CDH23: variants seen among roughly 807,000 people sequenced by gnomAD.
The protein encoded by CDH23 is cadherin-23.
In CDH23, 189 loss-of-function variants were observed where a neutral mutation model predicts 317.1. The observed-to-expected ratio is 0.60, with a 90% CI of 0.53 to 0.67. The LOEUF is 0.67. Among genes scored for constraint, CDH23 ranks in the 30% least tolerant of loss-of-function variants. The pLI is 0.00. For synonymous variants in CDH23, 1,839 were observed against 1,876.8 expected (o/e 0.98, Z 0.52); for missense variants, 4,401 against 4,592.4 (o/e 0.96, Z 1.20).
At chr10:71,683,900 G>T (rs7907410) in intron 18 of CDH23, among the ~76,000 whole-genome samples, 49,758 of 151,786 alleles carry the variant, frequency 0.33, 8,417 homozygotes, top group Non-Finnish European at 0.38. Context: ...GACCAACGTG[G>T]TGAAACTCCA....
intron 3 of CDH23, among the ~76,000 whole-genome samples, chr10:71,449,693 T>C (rs142569828): frequency 9.8e-4 from 150 of 152,370 alleles, no homozygotes; most frequent in Middle Eastern, 6.8e-3. Flanking sequence ...TCTATCTATA[T>C]GTAGCTTCTG....
intron 14 of CDH23, among the ~76,000 whole-genome samples, chr10:71,658,703 C>G (rs556803580): frequency 2.6e-5 from 4 of 152,146 alleles, no homozygotes; most frequent in African/African-American, 9.7e-5. Flanking sequence ...AGCTGGGGCC[C>G]GGAGAGGTGA....
chr10:71,807,231 G>A (rs748473007), intron 57 of CDH23, 46 bp from the exon 58 acceptor site: 7 of 1,600,774 alleles, frequency 4.4e-6, no homozygotes, highest in Middle Eastern at 1.9e-4. Flanking sequence ...CTGGAAGCTC[G>A]GGTCTTCCCT....
At chr10:71,620,137 A>T (rs1262942569) in intron 11 of CDH23, among the ~76,000 whole-genome samples, 1 of 152,110 alleles carries the variant, frequency 6.6e-6, no homozygotes, top group Non-Finnish European at 1.5e-5. Context: ...GGGAAGAGGC[A>T]GCTGGAAGGC....
intron 9 of CDH23, among the ~76,000 whole-genome samples, chr10:71,602,952 C>T (rs1254501446): frequency 1.3e-5 from 2 of 152,228 alleles, no homozygotes; most frequent in East Asian, 1.9e-4. Flanking sequence ...GTTCTCCAGT[C>T]GGCTTCCTCA....
chr10:71,745,795 G>C (rs1456169470), intron 38 of CDH23, among the ~76,000 whole-genome samples: 1 of 152,224 alleles, frequency 6.6e-6, no homozygotes, highest in Non-Finnish European at 1.5e-5. Flanking sequence ...AGCAACCAGA[G>C]ACCTGAGCAG....
intron 6 of CDH23, among the ~76,000 whole-genome samples, chr10:71,522,526 C>T (rs1854757814): frequency 6.6e-6 from 1 of 152,180 alleles, no homozygotes; most frequent in African/African-American, 2.4e-5. Flanking sequence ...CTGCTCTTAC[C>T]ACTTACATCT....
At chr10:71,707,170 T>G in intron 26 of CDH23, 121 bp downstream of exon 26, 1 of 1,538,882 alleles carries the variant, frequency 6.5e-7, no homozygotes, top group Non-Finnish European at 8.8e-7. Flanking sequence ...AGGGCTCTAC[T>G]GTTGGGCTTT....
At chr10:71,667,389 T>C (rs1406444258) in intron 14 of CDH23, among the ~76,000 whole-genome samples, 2 of 149,028 alleles carry the variant, frequency 1.3e-5, no homozygotes, top group African/African-American at 5.1e-5. Flanking sequence ...TGTGTGTGTG[T>C]GTGTGTGCGC....
intron 1 of CDH23, among the ~76,000 whole-genome samples, chr10:71,402,336 A>G (rs1847817068): frequency 6.6e-6 from 1 of 152,188 alleles, no homozygotes; most frequent in African/African-American, 2.4e-5. Context: ...AGTGTTGGTT[A>G]TTATTATGAT....
intron 30 of CDH23, among the ~76,000 whole-genome samples, chr10:71,729,648 TAAAGAGTACTG>T (rs1839289231): frequency 2.0e-5 from 3 of 152,178 alleles, no homozygotes; most frequent in Non-Finnish European, 4.4e-5. Flanking sequence ...GGTGCACAAG[TAAAGAGTACTG>T]AGCACTGACA....
chr10:71,707,638 G>A (rs1865840803), intron 26 of CDH23: 4 of 667,306 alleles, frequency 6.0e-6, no homozygotes, highest in Non-Finnish European at 7.5e-6. Context: ...AGATGGTGGC[G>A]CACATGCCAT....
chr10:71,493,659 C>T (rs1852789767), intron 3 of CDH23, among the ~76,000 whole-genome samples: 1 of 152,282 alleles, frequency 6.6e-6, no homozygotes, highest in African/African-American at 2.4e-5. Context: ...TCACAGCACA[C>T]GTTACTGTAA....
At chr10:71,799,444 C>T (rs760659755) in intron 51 of CDH23, 48 bp from the exon 52 acceptor site, 1 of 1,613,320 alleles carries the variant, frequency 6.2e-7, no homozygotes, top group Non-Finnish European at 8.5e-7. Flanking sequence ...TGCTCGGGCT[C>T]TGGGACTGAC....
At chr10:71,441,852 C>T (rs1389488642) in intron 2 of CDH23, among the ~76,000 whole-genome samples, 3 of 152,200 alleles carry the variant, frequency 2.0e-5, no homozygotes, top group Admixed American at 1.3e-4. Flanking sequence ...TTCGTGCATT[C>T]AGGGTGAGGA....
intron 1 of CDH23, among the ~76,000 whole-genome samples, chr10:71,422,636 G>C (rs1848867903): frequency 6.6e-6 from 1 of 152,192 alleles, no homozygotes; most frequent in Admixed American, 6.5e-5. Context: ...AAGAAAAATT[G>C]TTGAGGTGAG....
At chr10:71,760,322 T>C (rs1840345769) in intron 38 of CDH23, among the ~76,000 whole-genome samples, 2 of 149,072 alleles carry the variant, frequency 1.3e-5, no homozygotes, top group South Asian at 4.2e-4. Context: ...CACATATATA[T>C]ATATATATAT....
At chr10:71,672,040 A>G (rs1051607717) in intron 14 of CDH23, among the ~76,000 whole-genome samples, 1 of 152,074 alleles carries the variant, frequency 6.6e-6, no homozygotes, top group African/African-American at 2.4e-5. Flanking sequence ...TCTGGGAGCC[A>G]CATCCTGGTT....
intron 1 of CDH23, among the ~76,000 whole-genome samples, chr10:71,403,387 CTTTCTTTCTT>C (rs1847904033): frequency 8.9e-6 from 1 of 112,922 alleles, no homozygotes; most frequent in African/African-American, 4.4e-5. Context: ...TTCTTTCTTT[CTTTCTTTCTT>C]TCTTTCTTTC....
Sources: allele counts gnomAD v4.1 joint callset (sites outside exome capture counted in the v4.1 genomes callset), GRCh38; gene constraint gnomAD v4.1.1; transcripts MANE v1.5; gene names NCBI Gene and HGNC (gene_info 2026-07-23, HGNC 2026-07-21).